Variants in OR56A3 observed in about 807,000 individuals in gnomAD.
The protein encoded by OR56A3 is olfactory receptor 56A3.
Under a neutral mutation model 17.5 loss-of-function variants are expected in OR56A3, and 23 were observed. The observed-to-expected ratio is 1.32, with a 90% CI of 0.95 to 1.87. The LOEUF (loss-of-function observed/expected upper bound fraction) is 1.87, where lower values mean the gene tolerates loss of function less well. Ranked by LOEUF, OR56A3 falls within the 40% of genes most tolerant of loss-of-function variation. The probability of loss-of-function intolerance (pLI) is 0.00; values close to 1 mark genes in which losing one functional copy is unlikely to be tolerated. For missense variants in OR56A3, 366 were observed against 380.1 expected, an observed-to-expected ratio of 0.96 and a Z score of 0.31; for synonymous variants, 175 against 150.6, an observed-to-expected ratio of 1.16 and a Z score of -1.19.
chr11:5,987,028 AG>A, the OR56A3 span: 1 of 1,124,780 alleles, frequency 8.9e-7, no homozygotes, highest in African/African-American at 1.6e-5. Flanking sequence ...AAGGGAATAA[AG>A]TTAGCTACAG....
chr11:5,968,653 T>C, the OR56A3 span, among the ~76,000 whole-genome samples: 1,155 of 152,320 alleles, frequency 7.6e-3, 17 homozygotes, highest in African/African-American at 0.026. Flanking sequence ...AGGCAAAGTT[T>C]AGTAAATATT....
chr11:5,991,121 G>A, the OR56A3 span, among the ~76,000 whole-genome samples: 3 of 152,160 alleles, frequency 2.0e-5, no homozygotes, highest in African/African-American at 7.2e-5. Context: ...CATCCCTCAA[G>A]GTCTATGCAG....
the OR56A3 span, chr11:5,993,876 A>T: frequency 3.9e-6 from 2 of 506,552 alleles, no homozygotes; most frequent in Non-Finnish European, 7.2e-6. Context: ...CTGCTGGCTT[A>T]ATGTCTCAGA....
the OR56A3 span, among the ~76,000 whole-genome samples, chr11:6,018,037 T>C: frequency 1.6e-4 from 11 of 69,618 alleles, no homozygotes; most frequent in East Asian, 5.2e-3. Flanking sequence ...TGTGTGTGTG[T>C]GTGTATATAT....
the OR56A3 span, among the ~76,000 whole-genome samples, chr11:6,003,494 G>A: frequency 6.6e-6 from 1 of 152,116 alleles, no homozygotes; most frequent in Non-Finnish European, 1.5e-5. Context: ...GCAGCTTTGG[G>A]TTGGTTCCCA....
the OR56A3 span, chr11:5,985,937 C>T: frequency 8.1e-6 from 13 of 1,597,664 alleles, no homozygotes; most frequent in Non-Finnish European, 1.1e-5. Flanking sequence ...AGAATATGTT[C>T]AGATCAATCC....
the OR56A3 span, chr11:5,987,021 G>T: frequency 8.1e-7 from 1 of 1,239,568 alleles, no homozygotes; most frequent in Non-Finnish European, 1.1e-6. Context: ...GCAAACGAAG[G>T]GAATAAAGTT....
At chr11:6,010,625 T>G in the OR56A3 span, among the ~76,000 whole-genome samples, 1 of 152,204 alleles carries the variant, frequency 6.6e-6, no homozygotes, top group Non-Finnish European at 1.5e-5. Flanking sequence ...ATCAGAAGTG[T>G]GAGAAAGAAA....
chr11:5,956,438 G>A, the OR56A3 span, among the ~76,000 whole-genome samples: 4 of 152,138 alleles, frequency 2.6e-5, no homozygotes. Context: ...ACACAATTAT[G>A]TCTTTCTCAC....
the OR56A3 span, among the ~76,000 whole-genome samples, chr11:5,963,295 T>C: frequency 6.6e-6 from 1 of 152,160 alleles, no homozygotes; most frequent in African/African-American, 2.4e-5. Flanking sequence ...ATGCTTTTTC[T>C]TTATTCATGT....
chr11:5,977,387 G>C, the OR56A3 span, among the ~76,000 whole-genome samples: 3 of 151,930 alleles, frequency 2.0e-5, no homozygotes, highest in Non-Finnish European at 4.4e-5. Flanking sequence ...TTACTTTTTG[G>C]CTTTTTATAA....
the OR56A3 span, among the ~76,000 whole-genome samples, chr11:5,982,450 T>C: frequency 6.6e-6 from 1 of 152,070 alleles, no homozygotes; most frequent in African/African-American, 2.4e-5. Context: ...GTGAAGGAGC[T>C]ATGGCAGTTG....
chr11:5,988,307 T>C, the OR56A3 span, among the ~76,000 whole-genome samples: 25 of 75,170 alleles, frequency 3.3e-4, no homozygotes, highest in African/African-American at 7.7e-4. Context: ...AGTGTCTTAA[T>C]GGTTTGTTTT....
At chr11:6,015,151 A>C in the OR56A3 span, among the ~76,000 whole-genome samples, 1 of 152,190 alleles carries the variant, frequency 6.6e-6, no homozygotes, top group African/African-American at 2.4e-5. Flanking sequence ...AATATGCATA[A>C]GTAAAAAGAA....
rs762042523 is a variant in OR56A3 at position 5,948,200 on chromosome 11, A to G, written c.854A>G (p.His285Arg). ...DVPVLLNVLH[H>R]VIPAALNPII... Reference sequence around the variant, plus strand: ...CCAGTCTTGCTCAATGTTCTCCACCATGTCATTCCTGCAGCCCTTAACCCC... The same window carrying G: ...CCAGTCTTGCTCAATGTTCTCCACCGTGTCATTCCTGCAGCCCTTAACCCC... Residue 285 changes from histidine (H) to arginine (R), a missense_variant, in exon 3 of 3, where the codon CAT (histidine) becomes CGT (arginine). Coordinates refer to ENST00000641160, the MANE Select transcript of OR56A3 (RefSeq NM_001003443.3). The G allele has an allele frequency of 1.9e-6, 3 of 1,614,134 alleles. No individual in the cohort carries two copies. The highest frequency in any genetic ancestry group is 1.3e-5 in the African/African-American group (1 of 74,954).
chr11:5,952,502 A>C (rs923320131), downstream of OR56A3, among the ~76,000 whole-genome samples: 1 of 151,598 alleles, frequency 6.6e-6, no homozygotes, highest in African/African-American at 2.4e-5. Context: ...AAATAATTAC[A>C]TTATTATTGT....
chr11:6,011,371 A>G, the OR56A3 span, among the ~76,000 whole-genome samples: 1 of 152,088 alleles, frequency 6.6e-6, no homozygotes, highest in Non-Finnish European at 1.5e-5. Context: ...GACATTGGAA[A>G]ATGTTCTTAA....
the OR56A3 span, among the ~76,000 whole-genome samples, chr11:5,997,024 T>A: frequency 6.6e-6 from 1 of 152,186 alleles, no homozygotes; most frequent in African/African-American, 2.4e-5. Context: ...TCCATGGCAA[T>A]CTTCTCTAGG....
At chr11:5,970,985 A>C in the OR56A3 span, among the ~76,000 whole-genome samples, 81,529 of 152,068 alleles carry the variant, frequency 0.54, 22,129 homozygotes, top group East Asian at 0.69. Flanking sequence ...CCAAAGAAAC[A>C]AAGGGAACTG....
Sources: gnomAD v4.1 joint callset for allele counts (sites outside exome capture counted in the v4.1 genomes callset) on GRCh38, gnomAD v4.1.1 for gene constraint, MANE v1.5 for transcripts, NCBI Gene and HGNC (gene_info 2026-07-23, HGNC 2026-07-21) for gene names.